The following KLC1 variants were observed in gnomAD, a reference collection of about 807,000 sequenced individuals.
KLC1 encodes kinesin 2 60/70kDa.
KLC1 carries 30 observed loss-of-function variants against 84.2 expected under a neutral mutation model. The observed-to-expected ratio is 0.36, with a 90% CI of 0.27 to 0.48. The LOEUF (loss-of-function observed/expected upper bound fraction) is 0.48. Ranked by LOEUF, KLC1 falls within the 20% of genes least tolerant of loss-of-function variation. The pLI, the probability that KLC1 is intolerant of heterozygous loss-of-function variation, is 0.99. For synonymous variants in KLC1, 289 were observed against 293.3 expected (o/e 0.99, Z 0.15); for missense variants, 499 against 805.4 (o/e 0.62, Z 4.60).
Position 103,695,512 on chromosome 14 carries a change from C to T in KLC1, c.1848+3087C>T, listed in dbSNP as rs1028886855. On this transcript the variant is annotated intron_variant, in intron 15 of 16. Coordinates refer to ENST00000334553, the MANE Select transcript of KLC1 (RefSeq NM_001394837.1). ...GCACAGGCGACAGGGAGGAGGGCTC[C>T]GGAGCTTCCCTTGTGGTGGGGGTGC... The T allele has an allele frequency of 7.8e-5, 77 of 985,306 alleles. 1 individual carries two copies. The South Asian group carries it at 2.0e-3, about 26-fold the overall frequency. The allele number at this position is 985,306 out of a possible 1,614,324, so 61.0% of individuals were successfully genotyped here. A position where few individuals can be genotyped will look rare whatever the true frequency, so the allele number is the denominator to read the frequency against.
chr14:103,698,454 T>C (rs933023924), intron 15 of KLC1: 4 of 356,276 alleles, frequency 1.1e-5, no homozygotes, highest in Non-Finnish European at 2.2e-5. Flanking sequence ...TGGGCTTCCA[T>C]GTGGAGAGAA....
chr14:103,694,832 G>A lies in KLC1; in HGVS notation c.1848+2407G>A, dbSNP rs1016527922. 4 of 985,382 alleles carry A rather than the reference G, an allele frequency of 4.1e-6. No individual in the cohort carries two copies. The African/African-American group carries it at 5.2e-5, about 13-fold the overall frequency. 61.0% of individuals were successfully genotyped at this position (985,382 alleles called of 1,614,324 possible). A position where few individuals can be genotyped will look rare whatever the true frequency, so the allele number is the denominator to read the frequency against. On this transcript the variant is annotated intron_variant, in intron 15 of 16. Transcript: ENST00000334553. The surrounding 1 kb of genome is among the most constrained non-coding windows in gnomAD (Gnocchi z 4.5). ...TGGGGACAGAGTGTCCTGAGGTTTT[G>A]TTACAAGGCTAGACTTTAAAATACC...
chr14:103,652,560 C>T (rs1018133534), intron 1 of KLC1, among the ~76,000 whole-genome samples: 4 of 151,968 alleles, frequency 2.6e-5, no homozygotes, highest in African/African-American at 7.3e-5. Flanking sequence ...GGCGCGATCT[C>T]GGCTCACTGC....
intron 13 of KLC1, chr14:103,683,058 G>A (rs974673471): frequency 6.6e-6 from 1 of 152,100 alleles, no homozygotes; most frequent in Admixed American, 6.6e-5. Flanking sequence ...CCAGATATTC[G>A]GCTCAGTTTT....
chr14:103,699,460 C>G, intron 15 of KLC1: 1 of 1,612,950 alleles, frequency 6.2e-7, no homozygotes. Flanking sequence ...GGGCGGAGGC[C>G]TGGCTGTCAA....
chr14:103,643,241 C>T (rs1222171516), intron 1 of KLC1, among the ~76,000 whole-genome samples: 1 of 152,192 alleles, frequency 6.6e-6, no homozygotes, highest in Non-Finnish European at 1.5e-5. Flanking sequence ...CTTCCATCTT[C>T]CAGAGGGTCC....
chr14:103,691,362 G>A (rs1049775316), intron 14 of KLC1, among the ~76,000 whole-genome samples: 2 of 148,720 alleles, frequency 1.3e-5, no homozygotes, highest in Non-Finnish European at 3.0e-5. Context: ...GTTTCACCAC[G>A]TTGCCCAGGC....
chr14:103,693,870 C>T lies in KLC1; in HGVS notation c.1848+1445C>T, dbSNP rs747286255. On this transcript the variant is annotated intron_variant, in intron 15 of 16. Transcript: ENST00000334553. The surrounding 1 kb of genome is among the most constrained non-coding windows in gnomAD (Gnocchi z 5.1). The stretch of plus-strand genomic sequence containing the variant: ...CCCGGCCAGGCTGGCTCAGGGAGGC[C>T]GAGGTGGCGCTGAGGTGGCTTCAGC... 5 of 1,351,742 alleles carry T rather than the reference C, an allele frequency of 3.7e-6. No individual in the cohort carries two copies. The highest frequency in any genetic ancestry group is 4.7e-6 in the Non-Finnish European group (5 of 1,053,542). 83.7% of individuals were successfully genotyped at this position (1,351,742 alleles called of 1,614,324 possible).
In KLC1 at chr14:103,693,436, C is replaced by T. The variant is rs72710773; in HGVS notation, c.1848+1011C>T. ...CATGCACATTGACCCCTGGGCCTCT[C>T]GAGTGCCAACCTAGATTTAGCTGTG... On this transcript the variant is annotated intron_variant, in intron 15 of 16. Coordinates refer to ENST00000334553, the MANE Select transcript of KLC1 (RefSeq NM_001394837.1). This position sits in a 1 kb window ranked among gnomAD's most constrained non-coding sequence, Gnocchi z 5.1. 5.7e-5 allele frequency: 85 copies of T among 1,488,764 alleles called. No homozygotes were observed. The highest frequency in any genetic ancestry group is 6.9e-5 in the African/African-American group (5 of 72,312). The allele number at this position is 1,488,764 out of a possible 1,614,324, so 92.2% of individuals were successfully genotyped here.
intron 1 of KLC1, among the ~76,000 whole-genome samples, chr14:103,645,845 C>G (rs1228959809): frequency 6.6e-6 from 1 of 151,874 alleles, no homozygotes; most frequent in Non-Finnish European, 1.5e-5. Context: ...GCAAGTTCCG[C>G]CTTCTGGGTT....
intron 7 of KLC1, among the ~76,000 whole-genome samples, chr14:103,671,718 G>A (rs2080402062): frequency 6.6e-6 from 1 of 152,158 alleles, no homozygotes; most frequent in African/African-American, 2.4e-5. Context: ...ATTTATCAGT[G>A]ATTCTTATCA....
chr14:103,675,560 A>G lies in KLC1; in HGVS notation c.1270A>G (p.Lys424Glu). ...REFGSVDDENKPIWMHAEERE... is the reference protein window; with the variant it reads ...REFGSVDDENEPIWMHAEERE... ...TGTGTTTTCTTCCCTAGATGAAAAT[A>G]AACCCATCTGGATGCATGCTGAAGA... The change falls in exon 10 of 17, where the codon AAA (lysine) becomes GAA (glutamate). Residue 424 changes from lysine to glutamate, a missense_variant. Transcript: ENST00000334553. The G allele has an allele frequency of 6.2e-7, 1 of 1,612,232 alleles. No homozygotes were observed. Among genetic ancestry groups the G allele is most frequent in the Non-Finnish European group, 8.5e-7 (1 of 1,179,434 alleles).
chr14:103,693,503 C>T lies in KLC1; in HGVS notation c.1848+1078C>T. The T allele has an allele frequency of 6.5e-7, 1 of 1,535,274 alleles. No individual in the cohort carries two copies. The highest frequency in any genetic ancestry group is 1.2e-5 in the South Asian group (1 of 83,862). On this transcript the variant is annotated intron_variant, in intron 15 of 16. Transcript: ENST00000334553. This position sits in a 1 kb window ranked among gnomAD's most constrained non-coding sequence, Gnocchi z 5.1. Reference sequence around the variant, plus strand: ...GCCTGAGGCCATTTGAAGCTGGCATCATTTGAAGTCCTGGTTAAGTGTAAT... The same window carrying T: ...GCCTGAGGCCATTTGAAGCTGGCATTATTTGAAGTCCTGGTTAAGTGTAAT...
At chr14:103,661,982 TC>T (rs1372113651) in intron 3 of KLC1, 133 bp from the exon 4 acceptor site, 2 of 662,932 alleles carry the variant, frequency 3.0e-6, no homozygotes, top group African/African-American at 1.8e-5. Context: ...TTGTCGGCGA[TC>T]CTACATTTGA....
At chr14:103,645,358 A>G (rs1012764861) in intron 1 of KLC1, among the ~76,000 whole-genome samples, 1 of 152,150 alleles carries the variant, frequency 6.6e-6, no homozygotes, top group African/African-American at 2.4e-5. Context: ...CTACAAACCA[A>G]GTGGTGGCTG....
At chr14:103,699,789 T>G in intron 15 of KLC1, 8 of 597,136 alleles carry the variant, frequency 1.3e-5, no homozygotes, top group East Asian at 3.0e-5. Context: ...ACACAACTGG[T>G]TCCCTTGGCC....
chr14:103,654,536 C>A, intron 1 of KLC1, 28 bp from the exon 2 acceptor site: 1 of 1,555,666 alleles, frequency 6.4e-7, no homozygotes, highest in Non-Finnish European at 8.7e-7. Context: ...AATGAGGGAT[C>A]TAATTTCTTT....
intron 9 of KLC1, 96 bp from the exon 10 acceptor site, chr14:103,675,456 G>A (rs899345873): frequency 7.9e-6 from 8 of 1,011,664 alleles, no homozygotes; most frequent in African/African-American, 1.6e-5. Flanking sequence ...TTCGAGTGCC[G>A]ACTTGACACT....
At chr14:103,700,864 G>A in intron 16 of KLC1, 137 bp downstream of exon 16, 1 of 735,672 alleles carries the variant, frequency 1.4e-6, no homozygotes, top group Non-Finnish European at 2.1e-6. Context: ...TCCAAGAGGG[G>A]CTTGGCTCAG....
Sources: allele counts gnomAD v4.1 joint callset (sites outside exome capture counted in the v4.1 genomes callset), GRCh38; gene constraint gnomAD v4.1.1; non-coding constraint Gnocchi (gnomAD v3.1); transcripts MANE v1.5; gene names NCBI Gene and HGNC (gene_info 2026-07-23, HGNC 2026-07-21).